Variants in MACF1 observed in about 807,000 individuals in gnomAD.
The protein encoded by MACF1 is microtubule actin crosslinking factor 1.
MACF1 carries 193 observed loss-of-function variants against 854.8 expected under a neutral mutation model. That is an observed-to-expected ratio of 0.23 (90% CI 0.20 to 0.25). The LOEUF is 0.25. Ranked by LOEUF, MACF1 falls within the 10% of genes least tolerant of loss-of-function variation. The probability of loss-of-function intolerance (pLI) is 1.00; values close to 1 mark genes in which losing one functional copy is unlikely to be tolerated. For synonymous variants in MACF1, 3,185 were observed against 3,226.7 expected, an observed-to-expected ratio of 0.99 and a Z score of 0.44; for missense variants, 7,722 against 8,929.1, an observed-to-expected ratio of 0.86 and a Z score of 5.45.
chr1:39,422,976 G>GA (rs1643594710), intron 60 of MACF1, 76 bp downstream of exon 60: 1 of 1,370,646 alleles, frequency 7.3e-7, no homozygotes, highest in African/African-American at 1.4e-5. Flanking sequence ...TATAGTTTAA[G>GA]AAGCAGTTCA....
chr1:39,145,783 G>A (rs1643449875), intron 2 of MACF1, among the ~76,000 whole-genome samples: 1 of 152,108 alleles, frequency 6.6e-6, no homozygotes, highest in Admixed American at 6.6e-5. Flanking sequence ...TTTCATTTAG[G>A]AATTTCATCT....
chr1:39,359,983 T>A (rs1647933986), intron 47 of MACF1, among the ~76,000 whole-genome samples: 1 of 30,082 alleles, frequency 3.3e-5, no homozygotes, highest in Non-Finnish European at 5.2e-5. Context: ...CAAGACTCCG[T>A]CTCAAAAAAA....
At chr1:39,101,606 C>T (rs1199817152) in intron 2 of MACF1, among the ~76,000 whole-genome samples, 5 of 151,078 alleles carry the variant, frequency 3.3e-5, no homozygotes, top group African/African-American at 9.7e-5. Flanking sequence ...GGGTGGTTCA[C>T]GAGGTCAGGA....
intron 95 of MACF1, among the ~76,000 whole-genome samples, chr1:39,467,303 T>C (rs925842509): frequency 6.6e-6 from 1 of 152,006 alleles, no homozygotes; most frequent in African/African-American, 2.4e-5. Context: ...AGGCGGAGCT[T>C]GCAATGAGCC....
At chr1:39,425,263 C>G (rs1643687710) in intron 61 of MACF1, among the ~76,000 whole-genome samples, 2 of 152,040 alleles carry the variant, frequency 1.3e-5, no homozygotes, top group South Asian at 4.2e-4. Flanking sequence ...TCCCACTCTC[C>G]CCTCAGTTCA....
chr1:39,127,004 G>C (rs1642877623), intron 2 of MACF1, among the ~76,000 whole-genome samples: 1 of 152,034 alleles, frequency 6.6e-6, no homozygotes, highest in Admixed American at 6.5e-5. Context: ...GGGTGAGGCA[G>C]GTGGATCACC....
intron 40 of MACF1, among the ~76,000 whole-genome samples, chr1:39,344,545 G>A (rs1291941556): frequency 6.6e-6 from 1 of 152,124 alleles, no homozygotes; most frequent in South Asian, 2.1e-4. Context: ...TTGACTTGGG[G>A]TTTTATATGT....
At chr1:39,224,507 T>C (rs150194197) in intron 1 of MACF1, among the ~76,000 whole-genome samples, 2 of 152,244 alleles carry the variant, frequency 1.3e-5, no homozygotes, top group East Asian at 3.9e-4. Context: ...CTCAAAACTA[T>C]CCATTGGGTT....
chr1:39,404,161 A>G (rs28598568), intron 58 of MACF1, among the ~76,000 whole-genome samples: 18 of 139,646 alleles, frequency 1.3e-4, no homozygotes, highest in Non-Finnish European at 2.4e-4. Flanking sequence ...AAATAAATAA[A>G]TAAATAAATA....
intron 6 of MACF1, among the ~76,000 whole-genome samples, chr1:39,258,667 C>T (rs1645123385): frequency 6.6e-6 from 1 of 152,166 alleles, no homozygotes; most frequent in African/African-American, 2.4e-5. Context: ...TCTTTTACAT[C>T]CCTTTTAGGT....
In MACF1 at chr1:39,378,010, G is replaced by GA. The variant is rs1044287491; in HGVS notation, c.13214-440dup. On this transcript the variant is annotated intron_variant, in intron 52 of 100. Transcript: ENST00000564288. ...CAGAGTGAGACTCTGTCTCAAAAAAGAAAAAAAAAAAGGCTGCTTTTTCTG... is the reference window on the plus strand; with the variant it reads ...CAGAGTGAGACTCTGTCTCAAAAAAGAAAAAAAAAAAAGGCTGCTTTTTCTG... Among the ~76,000 whole-genome samples, 240 of 134,052 alleles carry GA rather than the reference G, an allele frequency of 1.8e-3. 1 individual carries two copies. The highest frequency in any genetic ancestry group is 5.2e-3 in the African/African-American group (190 of 36,550). 87.9% of individuals were successfully genotyped at this position (134,052 alleles called of 152,430 possible).
chr1:39,180,442 C>T (rs1644089613), intron 2 of MACF1, among the ~76,000 whole-genome samples: 1 of 152,024 alleles, frequency 6.6e-6, no homozygotes. Flanking sequence ...ATGGTGAAAC[C>T]CCATCTCTAC....
chr1:39,214,969 C>T (rs1380675579), intron 1 of MACF1, among the ~76,000 whole-genome samples: 1 of 152,194 alleles, frequency 6.6e-6, no homozygotes, highest in East Asian at 1.9e-4. Context: ...TTCTGCTCTG[C>T]AAATGGAGGG....
chr1:39,468,905 G>T (rs936195755), intron 96 of MACF1, among the ~76,000 whole-genome samples, 173 bp downstream of exon 96: 4 of 152,206 alleles, frequency 2.6e-5, no homozygotes, highest in African/African-American at 9.7e-5. Context: ...ATAGGCCAGG[G>T]AGAAAAAGCT....
chr1:39,448,885 AC>A, intron 84 of MACF1, 122 bp downstream of exon 84: 1 of 619,220 alleles, frequency 1.6e-6, no homozygotes, highest in Non-Finnish European at 2.6e-6. Flanking sequence ...CCATCTTAAC[AC>A]CACCAGTTAG....
At chr1:39,120,796 G>T (rs959696113) in intron 2 of MACF1, 1 of 7,382 alleles carries the variant, frequency 1.4e-4, no homozygotes, top group African/African-American at 1.6e-4. Context: ...GGAGAATGGG[G>T]TGTCTATCCC....
intron 2 of MACF1, among the ~76,000 whole-genome samples, chr1:39,194,108 C>T (rs1052086405): frequency 1.3e-5 from 2 of 152,108 alleles, no homozygotes; most frequent in African/African-American, 4.8e-5. Context: ...GCTGGGATTA[C>T]AGGCATGCGC....
chr1:39,434,738 GTTAATTC>G (rs1643935252), intron 69 of MACF1, 106 bp downstream of exon 69: 10 of 904,778 alleles, frequency 1.1e-5, no homozygotes, highest in Non-Finnish European at 1.7e-5. Context: ...GTGTTACGAA[GTTAATTC>G]TTAATCAGTT....
At chr1:39,348,666 C>T (rs974847195) in intron 41 of MACF1, among the ~76,000 whole-genome samples, 3 of 152,072 alleles carry the variant, frequency 2.0e-5, no homozygotes, top group East Asian at 3.8e-4. Flanking sequence ...GTGACTAAAG[C>T]GCCATCAGAA....
Sources: gnomAD v4.1 joint callset for allele counts (sites outside exome capture counted in the v4.1 genomes callset) on GRCh38, gnomAD v4.1.1 for gene constraint, MANE v1.5 for transcripts, NCBI Gene and HGNC (gene_info 2026-07-23, HGNC 2026-07-21) for gene names.